Variants in TOP6BL observed in about 807,000 individuals in gnomAD.
The protein encoded by TOP6BL is TOP6B like initiator of meiotic double strand breaks.
At chr11:66,750,141 G>A in the TOP6BL span, among the ~76,000 whole-genome samples, 1 of 152,062 alleles carries the variant, frequency 6.6e-6, no homozygotes, top group Admixed American at 6.6e-5. Context: ...ATATGACTGT[G>A]CTATGTACCA....
chr11:66,779,602 G>A, the TOP6BL span, among the ~76,000 whole-genome samples: 1 of 152,144 alleles, frequency 6.6e-6, no homozygotes, highest in Non-Finnish European at 1.5e-5. Context: ...AAGTCAGTGT[G>A]GTGATTCCTC....
the TOP6BL span, among the ~76,000 whole-genome samples, chr11:66,810,852 A>G: frequency 6.9e-6 from 1 of 145,400 alleles, no homozygotes; most frequent in Non-Finnish European, 1.5e-5. Flanking sequence ...ACCTTACCAG[A>G]AAAAAAAAAA....
chr11:66,768,607 G>C, the TOP6BL span, among the ~76,000 whole-genome samples: 1 of 151,378 alleles, frequency 6.6e-6, no homozygotes, highest in Non-Finnish European at 1.5e-5. Flanking sequence ...CCTAACGCTT[G>C]GTAAGATTTT....
chr11:66,748,523 T>C, the TOP6BL span: 1 of 1,516,440 alleles, frequency 6.6e-7, no homozygotes, highest in Non-Finnish European at 8.8e-7. Context: ...AACTAGTAAG[T>C]AGAGAAAGAA....
chr11:66,744,811 T>C, the TOP6BL span: 2 of 1,205,904 alleles, frequency 1.7e-6, no homozygotes, highest in African/African-American at 1.7e-5. Context: ...AAGCCCGGGC[T>C]GAGGAGGGGG....
the TOP6BL span, chr11:66,761,579 T>C: frequency 8.6e-7 from 1 of 1,160,364 alleles, no homozygotes; most frequent in Non-Finnish European, 1.2e-6. Context: ...TCTGCTCTAC[T>C]GGCTCTTGAC....
chr11:66,809,339 A>AC, the TOP6BL span, among the ~76,000 whole-genome samples: 2 of 152,224 alleles, frequency 1.3e-5, no homozygotes, highest in African/African-American at 4.8e-5. Context: ...TAATAGTGTT[A>AC]ATGTCTTGAA....
the TOP6BL span, among the ~76,000 whole-genome samples, chr11:66,753,563 C>T: frequency 3.1e-4 from 47 of 151,908 alleles, no homozygotes; most frequent in Admixed American, 5.3e-4. Context: ...CCTGCCACCA[C>T]GCCCGGCTAA....
chr11:66,827,693 A>C, the TOP6BL span, among the ~76,000 whole-genome samples: 4 of 151,968 alleles, frequency 2.6e-5, no homozygotes, highest in Non-Finnish European at 4.4e-5. Flanking sequence ...GGCCAGGCGC[A>C]GTGGCTTACA....
At chr11:66,746,213 A>G in the TOP6BL span, among the ~76,000 whole-genome samples, 35 of 152,348 alleles carry the variant, frequency 2.3e-4, no homozygotes, top group South Asian at 6.4e-3. Context: ...CTTAGTTCCC[A>G]GATCTCCCTG....
At chr11:66,843,396 T>C in the TOP6BL span, 2 of 1,427,558 alleles carry the variant, frequency 1.4e-6, no homozygotes, top group Non-Finnish European at 1.8e-6. Context: ...CGCCGCGGCC[T>C]GACGTCACCC....
At chr11:66,815,800 T>G in the TOP6BL span, 6 of 357,498 alleles carry the variant, frequency 1.7e-5, no homozygotes, top group South Asian at 7.4e-5. Flanking sequence ...GTAGAGCTTC[T>G]CAGTAATGTA....
chr11:66,828,336 T>G, the TOP6BL span: 2 of 1,613,466 alleles, frequency 1.2e-6, no homozygotes, highest in Non-Finnish European at 1.7e-6. Flanking sequence ...CACCAATTTC[T>G]TCACCACTGC....
the TOP6BL span, among the ~76,000 whole-genome samples, chr11:66,797,863 T>C: frequency 6.6e-6 from 1 of 152,230 alleles, no homozygotes; most frequent in African/African-American, 2.4e-5. Flanking sequence ...TTATTATCTG[T>C]AGTTAGATAT....
the TOP6BL span, among the ~76,000 whole-genome samples, chr11:66,753,796 C>T: frequency 1.2e-4 from 18 of 152,100 alleles, no homozygotes; most frequent in Admixed American, 3.9e-4. Context: ...CCTCCACCTC[C>T]CAGGTTCAAG....
the TOP6BL span, among the ~76,000 whole-genome samples, chr11:66,759,465 G>T: frequency 6.6e-6 from 1 of 152,190 alleles, no homozygotes; most frequent in Non-Finnish European, 1.5e-5. Context: ...CTACTTCAAA[G>T]AAATAATGTG....
At chr11:66,750,769 A>C in the TOP6BL span, among the ~76,000 whole-genome samples, 1 of 144,184 alleles carries the variant, frequency 6.9e-6, no homozygotes, top group Admixed American at 6.9e-5. Flanking sequence ...GCACAATCAT[A>C]GCTCACTGTA....
At chr11:66,780,921 C>G in the TOP6BL span, among the ~76,000 whole-genome samples, 1 of 152,132 alleles carries the variant, frequency 6.6e-6, no homozygotes, top group Non-Finnish European at 1.5e-5. Flanking sequence ...AGCTGTGATT[C>G]ATTTTATACC....
At chr11:66,831,996 C>CAAAAAAAAAAAAAAAA in the TOP6BL span, among the ~76,000 whole-genome samples, 1 of 46,648 alleles carries the variant, frequency 2.1e-5, no homozygotes, top group African/African-American at 8.5e-5. Context: ...GACTCTGTCT[C>CAAAAAAAAAAAAAAAA]AAAAAAAAAA....
Sources: gnomAD v4.1 joint callset for allele counts (sites outside exome capture counted in the v4.1 genomes callset) on GRCh38, gnomAD v4.1.1 for gene constraint, MANE v1.5 for transcripts, NCBI Gene and HGNC (gene_info 2026-07-23, HGNC 2026-07-21) for gene names.